SLC25A47: variants seen among roughly 807,000 people sequenced by gnomAD.
SLC25A47 encodes the protein HCC-down-regulated mitochondrial carrier protein.
A neutral mutation model predicts 29.8 loss-of-function variants in SLC25A47; 30 were observed. That is an observed-to-expected ratio of 1.01 (90% CI 0.75 to 1.36). The LOEUF (loss-of-function observed/expected upper bound fraction) is 1.36. Among genes scored for constraint, SLC25A47 ranks in the 40% most tolerant of loss-of-function variants. The pLI, the probability that SLC25A47 is intolerant of heterozygous loss-of-function variation, is 0.00. For missense variants in SLC25A47, 430 were observed against 441.9 expected (o/e 0.97, Z 0.24); for synonymous variants, 204 against 197.8 (o/e 1.03, Z -0.26).
At chr14:100,325,955 A>G in intron 2 of SLC25A47, 124 bp downstream of exon 2, 3 of 1,148,302 alleles carry the variant, frequency 2.6e-6, no homozygotes, top group East Asian at 2.6e-5. Context: ...ATGGCTCCCC[A>G]TAGCCCCTGG....
In SLC25A47 at chr14:100,327,262, C is replaced by A. The variant is rs1468563694; in HGVS notation, c.219C>A (p.Thr73=). The change falls in exon 4 of 6, where the codon ACC becomes ACA. Residue 73 remains threonine, a synonymous_variant. Coordinates refer to ENST00000361529, the MANE Select transcript of SLC25A47 (RefSeq NM_207117.4). ...TGGTATCTTCCGTGTCTTTTGGCAC[C>A]TACCGCCACTGCCTGGCGCACATCT... ...VSLVSSVSFG[T]YRHCLAHICR... 1 of 1,608,116 alleles carries A rather than the reference C, an allele frequency of 6.2e-7. No homozygotes were observed. Among genetic ancestry groups the A allele is most frequent in the South Asian group, 1.1e-5 (1 of 91,084 alleles).
chr14:100,326,018 A>G, intron 2 of SLC25A47, 139 bp from the exon 3 acceptor site: 1 of 967,606 alleles, frequency 1.0e-6, no homozygotes. Flanking sequence ...CTCGTCTAAC[A>G]CAAGGCTCCC....
In SLC25A47 at chr14:100,326,156, G is replaced by T; in HGVS notation, c.73-1G>T. ...GTGCCTGAAGCCCACTTCTCCTGCA[G>T]GTCAGGATCCAGACGGAGCCAAAGT... On this transcript the variant is annotated splice_acceptor_variant, in intron 2 of 5. Transcript: ENST00000361529. LOFTEE classifies it high-confidence loss of function. 6.2e-7 allele frequency: 1 copy of T among 1,613,306 alleles called. No homozygotes were observed. Among genetic ancestry groups the T allele is most frequent in the Non-Finnish European group, 8.5e-7 (1 of 1,179,744 alleles).
chr14:100,326,144 A>C lies in SLC25A47; in HGVS notation c.73-13A>C. On this transcript the variant is annotated splice_polypyrimidine_tract_variant and intron_variant, in intron 2 of 5. Transcript: ENST00000361529. ...CTGGAGCCGCTCGTGCCTGAAGCCC[A>C]CTTCTCCTGCAGGTCAGGATCCAGA... 1 of 1,611,922 alleles carries C rather than the reference A, an allele frequency of 6.2e-7. No homozygotes were observed. The highest frequency in any genetic ancestry group is 1.3e-5 in the African/African-American group (1 of 75,014).
At chr14:100,325,731 G>C in intron 1 of SLC25A47, 57 bp from the exon 2 acceptor site, 1 of 1,573,008 alleles carries the variant, frequency 6.4e-7, no homozygotes, top group Non-Finnish European at 8.7e-7. Context: ...CCTGCAATGG[G>C]GTTGAACTGC....
Position 100,328,739 on chromosome 14 carries a change from C to T in SLC25A47, c.341C>T (p.Ser114Leu), listed in dbSNP as rs780299799. The T allele has an allele frequency of 2.4e-5, 39 of 1,612,870 alleles. No homozygotes were observed. The highest frequency in any genetic ancestry group is 2.7e-5 in the Non-Finnish European group (32 of 1,179,936). ...ASGLVRVFLT[S>L]PTEVAKVRLQ... is the part of the protein sequence containing the mutation. Reference sequence around the variant, plus strand: ...TCTCTGCTCCAGGTGTTCCTGACGTCGCCCACTGAGGTGGCCAAAGTCCGC... The same window carrying T: ...TCTCTGCTCCAGGTGTTCCTGACGTTGCCCACTGAGGTGGCCAAAGTCCGC... The change falls in exon 5 of 6, where the codon TCG (serine) becomes TTG (leucine). Residue 114 changes from serine (S) to leucine (L), a missense_variant. Transcript: ENST00000361529.
At chr14:100,329,280 G>A (rs1893402429) in intron 5 of SLC25A47, 85 bp from the exon 6 acceptor site, 1 of 1,478,782 alleles carries the variant, frequency 6.8e-7, no homozygotes. Context: ...TGCAAATGAG[G>A]ACGGGCCGGA....
Position 100,326,258 on chromosome 14 carries a change from A to T in SLC25A47, c.144+30A>T, listed in dbSNP as rs559782494. 1.1e-4 allele frequency: 179 copies of T among 1,604,978 alleles called. No individual in the cohort carries two copies. The South Asian group carries it at 1.4e-3, about 12-fold the overall frequency. ...GTCTGGGGCCAGGGGCTGGGTAGGG[A>T]GACAGGGAGGGGATGCTGGGCCTGC... On this transcript the variant is annotated intron_variant, in intron 3 of 5. Transcript: ENST00000361529.
intron 5 of SLC25A47, 106 bp downstream of exon 5, chr14:100,329,150 C>G: frequency 7.4e-7 from 1 of 1,342,308 alleles, no homozygotes; most frequent in Non-Finnish European, 1.0e-6. Context: ...TGAACTTGGC[C>G]TCCTGCCTCC....
At chr14:100,329,120 C>T (rs1893400120) in intron 5 of SLC25A47, 76 bp downstream of exon 5, 1 of 1,499,614 alleles carries the variant, frequency 6.7e-7, no homozygotes, top group Non-Finnish European at 9.0e-7. Flanking sequence ...GTGCTGCCCG[C>T]CAGTACCCGA....
chr14:100,329,515 T>A lies in SLC25A47; in HGVS notation c.797T>A (p.Val266Asp). Residue 266 changes from valine (V) to aspartate (D), a missense_variant, in exon 6 of 6, where the codon GTT (valine) becomes GAT (aspartate). Coordinates refer to ENST00000361529, the MANE Select transcript of SLC25A47 (RefSeq NM_207117.4). ...RGLLHCMVTS[V>D]REEGPRVLFK... The stretch of plus-strand genomic sequence containing the variant: ...CTCCTGCACTGTATGGTGACCAGCG[T>A]TCGAGAGGAGGGACCCCGGGTCCTT... The A allele has an allele frequency of 3.1e-6, 5 of 1,613,400 alleles. No individual in the cohort carries two copies. In the South Asian group the frequency reaches 5.5e-5, roughly 18 times the overall value.
chr14:100,328,145 T>C (rs1166370680), intron 4 of SLC25A47, among the ~76,000 whole-genome samples: 1 of 146,928 alleles, frequency 6.8e-6, no homozygotes, highest in Non-Finnish European at 1.5e-5. Context: ...AGAGTCTTGC[T>C]CGGTTACCCA....
At chr14:100,325,197 CT>C (rs1322773076) in intron 1 of SLC25A47, among the ~76,000 whole-genome samples, 5 of 152,220 alleles carry the variant, frequency 3.3e-5, no homozygotes, top group Non-Finnish European at 5.9e-5. Flanking sequence ...CGAGGCCTCT[CT>C]GCAAGGTGTG....
Position 100,327,307 on chromosome 14 carries a change from C to T in SLC25A47, c.264C>T (p.Asn88=), listed in dbSNP as rs988293247. The T allele has an allele frequency of 1.9e-6, 3 of 1,604,006 alleles. No homozygotes were observed. The highest frequency in any genetic ancestry group is 2.2e-5 in the South Asian group (2 of 91,072). Residue 88 remains asparagine (N), a synonymous_variant, in exon 4 of 6, where the codon AAC becomes AAT. Transcript: ENST00000361529. ...ACATCTGCCGGCTCCGGTACGGCAA[C>T]CCTGACGCCAAGCCCACCAAGGCCG... is the stretch of plus-strand genomic sequence containing the variant. ...LAHICRLRYG[N]PDAKPTKADI...
In SLC25A47 at chr14:100,328,983, C is replaced by G. The variant is rs754413298; in HGVS notation, c.585C>G (p.Thr195=). The stretch of plus-strand genomic sequence containing the variant: ...TACGGGACGGCCACTCCTTTGCCAC[C>G]TACTTCCTTTCCTACGCGGTCCTCT... The part of the protein sequence containing the change: ...LVLRDGHSFA[T]YFLSYAVLCE... The change falls in exon 5 of 6, where the codon ACC becomes ACG. Residue 195 remains threonine (T), a synonymous_variant. Transcript: ENST00000361529. The G allele has an allele frequency of 1.2e-6, 2 of 1,601,766 alleles. No individual in the cohort carries two copies. Among genetic ancestry groups the G allele is most frequent in the East Asian group, 2.2e-5 (1 of 44,862 alleles).
intron 4 of SLC25A47, 76 bp downstream of exon 4, chr14:100,327,446 G>A: frequency 6.8e-7 from 1 of 1,473,742 alleles, no homozygotes; most frequent in Non-Finnish European, 9.0e-7. Context: ...CCTGGCAGGT[G>A]GGGAAACTGA....
intron 1 of SLC25A47, 48 bp downstream of exon 1, chr14:100,323,490 T>TA: frequency 6.2e-7 from 1 of 1,603,934 alleles, no homozygotes; most frequent in Non-Finnish European, 8.5e-7. Flanking sequence ...CTCCTGGGGG[T>TA]AGCAGGAGGA....
chr14:100,329,263 A>G, intron 5 of SLC25A47, 102 bp from the exon 6 acceptor site: 2 of 1,410,948 alleles, frequency 1.4e-6, no homozygotes, highest in Non-Finnish European at 1.9e-6. Context: ...CCCTCTCCCA[A>G]GCCTGTTGCA....
At position 100,326,178 on chromosome 14, in the gene SLC25A47, A is replaced by C. The variant is rs1893336025; in HGVS notation, c.94A>C (p.Lys32Gln). Residue 32 changes from lysine (K) to glutamine (Q), a missense_variant, in exon 3 of 6, where the codon AAG becomes CAG. Transcript: ENST00000361529. Reference protein sequence around the residue: ...TVKVRIQTEPKYTGIWHCVRD... With the variant: ...TVKVRIQTEPQYTGIWHCVRD... ...GCAGGTCAGGATCCAGACGGAGCCA[A>C]AGTACACAGGCATCTGGCACTGCGT... 3 of 1,613,786 alleles carry C rather than the reference A, an allele frequency of 1.9e-6. No homozygotes were observed. In the South Asian group the frequency reaches 3.3e-5, roughly 18 times the overall value.
Sources: allele counts gnomAD v4.1 joint callset (sites outside exome capture counted in the v4.1 genomes callset), GRCh38; gene constraint gnomAD v4.1.1; transcripts MANE v1.5; gene names NCBI Gene and HGNC (gene_info 2026-07-23, HGNC 2026-07-21).